Variants in CSMD2 observed in about 807,000 individuals in gnomAD.
The protein encoded by CSMD2 is CUB and sushi domain-containing protein 2.
CSMD2 carries 130 observed loss-of-function variants against 398.5 expected under a neutral mutation model. The ratio of observed to expected loss-of-function variants is 0.33; its 90% CI spans 0.28 to 0.38. CSMD2 has a LOEUF of 0.38. CSMD2 is among the 10% of genes least tolerant of loss of function. The pLI, the probability that CSMD2 is intolerant of heterozygous loss-of-function variation, is 1.00. For missense variants in CSMD2, 3,829 were observed against 4,764.9 expected (o/e 0.80, Z 5.78); for synonymous variants, 1,828 against 1,908.5 (o/e 0.96, Z 1.10).
chr1:34,067,832 C>T (rs142701758), intron 2 of CSMD2, among the ~76,000 whole-genome samples: 108 of 152,220 alleles, frequency 7.1e-4, no homozygotes, highest in Non-Finnish European at 1.3e-3. Context: ...GATGCTTTTT[C>T]AAACTGCACA....
At position 33,633,141 on chromosome 1, in the gene CSMD2, T is replaced by G. The variant is rs1642565820; in HGVS notation, c.5200+281A>C. ...TAATGAAAATGCAATACATTTATAG[T>G]AAGAAAAAAAGTTGCATCTGAATAC... is the stretch of plus-strand genomic sequence containing the variant. On this transcript the variant is annotated intron_variant, in intron 32 of 70. Transcript: ENST00000373381. This position sits in a 1 kb window ranked among gnomAD's most constrained non-coding sequence, Gnocchi z 5.0. 6.6e-6 allele frequency among the ~76,000 whole-genome samples: 1 copy of G among 152,088 alleles called. No homozygotes were observed. The highest frequency in any genetic ancestry group is 2.1e-4 in the South Asian group (1 of 4,824).
At chr1:33,885,679 C>T (rs575275135) in intron 5 of CSMD2, among the ~76,000 whole-genome samples, 1 of 152,282 alleles carries the variant, frequency 6.6e-6, no homozygotes, top group African/African-American at 2.4e-5. Context: ...ATGCCAGTGT[C>T]TGGTTGGCAG....
chr1:33,693,341 T>G (rs1645305592), intron 24 of CSMD2, among the ~76,000 whole-genome samples: 1 of 152,144 alleles, frequency 6.6e-6, no homozygotes, highest in Admixed American at 6.5e-5. Context: ...AATACATACA[T>G]GAAAAGATGT....
chr1:34,137,351 T>G (rs1638859607), intron 1 of CSMD2, among the ~76,000 whole-genome samples: 1 of 152,212 alleles, frequency 6.6e-6, no homozygotes, highest in Non-Finnish European at 1.5e-5. Context: ...TAAGCTCTTT[T>G]CACCAGAACA....
In CSMD2 at chr1:33,521,464, C is replaced by T. The variant is rs1329526532; in HGVS notation, c.10596G>A (p.Leu3532=). Reference sequence around the variant, plus strand: ...TTCCGGGGGACAAGCACTAGTTACCCAGTCTTTGAAAGCCGAACTGCCCAA... The same window carrying T: ...TTCCGGGGGACAAGCACTAGTTACCTAGTCTTTGAAAGCCGAACTGCCCAA... ...QGFGQFGFQR[L]DLRLLESDPE... is the part of the protein sequence containing the mutation. The change falls in exon 68 of 71, where the codon CTG becomes CTA. Residue 3532 remains leucine (L), a splice_region_variant and synonymous_variant. Transcript: ENST00000373381. 1 of 1,597,854 alleles carries T rather than the reference C, an allele frequency of 6.3e-7. No individual in the cohort carries two copies. Among genetic ancestry groups the T allele is most frequent in the African/African-American group, 1.3e-5 (1 of 74,706 alleles).
chr1:33,902,461 A>G (rs1642816331), intron 5 of CSMD2, among the ~76,000 whole-genome samples: 1 of 152,118 alleles, frequency 6.6e-6, no homozygotes, highest in Non-Finnish European at 1.5e-5. Flanking sequence ...TCTTTGGTGC[A>G]CACGAATCCA....
chr1:33,688,628 C>A (rs2149086661), intron 25 of CSMD2, among the ~76,000 whole-genome samples: 1 of 152,128 alleles, frequency 6.6e-6, no homozygotes, highest in South Asian at 2.1e-4. Context: ...AGTTCGAGAC[C>A]AGCCTGGCTA....
intron 3 of CSMD2, among the ~76,000 whole-genome samples, chr1:33,967,472 C>T (rs762516950): frequency 5.8e-4 from 89 of 152,170 alleles, no homozygotes; most frequent in Non-Finnish European, 1.1e-3. Flanking sequence ...TGTGCACACC[C>T]TCTTTCCCTA....
chr1:34,061,313 C>A (rs1333750094), intron 2 of CSMD2, among the ~76,000 whole-genome samples: 1 of 152,210 alleles, frequency 6.6e-6, no homozygotes, highest in Non-Finnish European at 1.5e-5. Context: ...CTCACTCTGA[C>A]CACAAGGCAG....
chr1:34,144,496 C>T (rs1558457483), intron 1 of CSMD2, among the ~76,000 whole-genome samples: 1 of 152,180 alleles, frequency 6.6e-6, no homozygotes, highest in African/African-American at 2.4e-5. Flanking sequence ...CCTTAACTTA[C>T]CCAGCAAGCC....
intron 3 of CSMD2, among the ~76,000 whole-genome samples, chr1:33,971,346 T>C (rs552960083): frequency 3.3e-5 from 5 of 152,322 alleles, no homozygotes; most frequent in Non-Finnish European, 5.9e-5. Flanking sequence ...TTCATGGAAA[T>C]GCATGCCCGC....
chr1:34,097,010 T>C (rs1244346266), intron 1 of CSMD2, among the ~76,000 whole-genome samples: 2 of 149,658 alleles, frequency 1.3e-5, no homozygotes, highest in East Asian at 4.0e-4. Flanking sequence ...GACTTCAAAC[T>C]ATACCACAAG....
intron 3 of CSMD2, among the ~76,000 whole-genome samples, chr1:34,032,285 C>A (rs948921850): frequency 6.6e-6 from 1 of 151,642 alleles, no homozygotes; most frequent in African/African-American, 2.4e-5. Context: ...ACAATGAAGC[C>A]CAATATAAAA....
chr1:33,536,265 C>T (rs1655769336), intron 62 of CSMD2, among the ~76,000 whole-genome samples: 1 of 152,166 alleles, frequency 6.6e-6, no homozygotes, highest in Admixed American at 6.5e-5. Flanking sequence ...GCTCTGTTGC[C>T]CAGGCTGGAG....
At chr1:34,119,892 A>G (rs571947052) in intron 1 of CSMD2, among the ~76,000 whole-genome samples, 3 of 152,350 alleles carry the variant, frequency 2.0e-5, no homozygotes, top group Non-Finnish European at 4.4e-5. Flanking sequence ...TAGAATTACC[A>G]TCTGATTCAA....
chr1:33,624,408 C>T lies in CSMD2; in HGVS notation c.5625+111G>A, dbSNP rs1160372621. The T allele has an allele frequency of 1.7e-5, 23 of 1,391,124 alleles. No individual in the cohort carries two copies. Among genetic ancestry groups the T allele is most frequent in the Non-Finnish European group, 2.2e-5 (22 of 1,014,132 alleles). The allele number at this position is 1,391,124 out of a possible 1,614,324, so 86.2% of individuals were successfully genotyped here. On this transcript the variant is annotated intron_variant, in intron 35 of 70. Transcript: ENST00000373381. This position sits in a 1 kb window ranked among gnomAD's most constrained non-coding sequence, Gnocchi z 4.7. ...ACAGGGCTGATATGTCTCTTCCTGG[C>T]TCACCCTGACTCAGGCCTTGGCACC...
rs79363251 is a variant in CSMD2 at position 33,699,400 on chromosome 1, G to A, written c.3734-456C>T. 7.4e-3 allele frequency among the ~76,000 whole-genome samples: 1,125 copies of A among 152,310 alleles called. 9 individuals carry two copies. The highest frequency in any genetic ancestry group is 0.025 in the African/African-American group (1,050 of 41,552). On this transcript the variant is annotated intron_variant, in intron 23 of 70. Transcript: ENST00000373381. Reference sequence around the variant, plus strand: ...GATTTATGCAGAGCTCCCACTCTACGGCGCTATACATGTGTTCTCTCTCAT... The same window carrying A: ...GATTTATGCAGAGCTCCCACTCTACAGCGCTATACATGTGTTCTCTCTCAT...
intron 60 of CSMD2, among the ~76,000 whole-genome samples, chr1:33,539,128 C>A (rs759952096): frequency 6.6e-6 from 1 of 152,088 alleles, no homozygotes; most frequent in Admixed American, 6.5e-5. Flanking sequence ...CCACCACGCC[C>A]GGCTAATTTT....
At chr1:33,587,883 A>G (rs1321828939) in intron 44 of CSMD2, among the ~76,000 whole-genome samples, 1 of 152,240 alleles carries the variant, frequency 6.6e-6, no homozygotes, top group African/African-American at 2.4e-5. Flanking sequence ...GTGCTATACA[A>G]GTGTTAGCTG....
Sources: gnomAD v4.1 joint callset for allele counts (sites outside exome capture counted in the v4.1 genomes callset) on GRCh38, gnomAD v4.1.1 for gene constraint, Gnocchi (gnomAD v3.1) non-coding constraint, MANE v1.5 for transcripts, NCBI Gene and HGNC (gene_info 2026-07-23, HGNC 2026-07-21) for gene names.